DCANP1: variants seen among roughly 807,000 people sequenced by gnomAD.
DCANP1 encodes the protein dendritic cell nuclear protein 1.
For missense variants in DCANP1, 328 were observed against 293.7 expected (o/e 1.12, Z -0.85); for synonymous variants, 139 against 124.2 (o/e 1.12, Z -0.79).
Position 135,446,187 on chromosome 5 carries a change from G to T in DCANP1, c.*187C>A. On this transcript the variant is annotated 3_prime_UTR_variant, in exon 1 of 1. Transcript: ENST00000503143. Reference sequence around the variant, plus strand: ...CCCGTTTTCTACAAGAAGAAACTGTGGCACGGAGAGATTCAGTTACTTGTC... The same window carrying T: ...CCCGTTTTCTACAAGAAGAAACTGTTGCACGGAGAGATTCAGTTACTTGTC... The T allele has an allele frequency of 1.5e-6, 1 of 670,592 alleles. No homozygotes were observed. The highest frequency in any genetic ancestry group is 2.4e-6 in the Non-Finnish European group (1 of 412,634). 41.5% of individuals were successfully genotyped at this position (670,592 alleles called of 1,614,324 possible).
rs2150031944 is a variant in DCANP1, at chr5:135,446,316, TATG to T, written c.*55_*57del. 2.0e-6 allele frequency: 3 copies of T among 1,534,508 alleles called. No individual in the cohort carries two copies. In the Admixed American group the frequency reaches 5.9e-5, roughly 30 times the overall value. On this transcript the variant is annotated 3_prime_UTR_variant, in exon 1 of 1. Coordinates refer to ENST00000503143, the MANE Select transcript of DCANP1 (RefSeq NM_130848.3). Reference sequence around the variant, plus strand: ...CTGGGAGCAGCGTTCATGTGCACTGTATGTTCGTGTTTAGTGTATGTCTGTGCA... The same window carrying T: ...CTGGGAGCAGCGTTCATGTGCACTGTTTCGTGTTTAGTGTATGTCTGTGCA...
Position 135,446,218 on chromosome 5 carries a change from T to C in DCANP1, c.*156A>G. ...GAGAGATTCAGTTACTTGTCCAGGA[T>C]CACAGAACTATAGTAAGTGGGGGTG... On this transcript the variant is annotated 3_prime_UTR_variant, in exon 1 of 1. Coordinates refer to ENST00000503143, the MANE Select transcript of DCANP1 (RefSeq NM_130848.3). 1 of 893,420 alleles carries C rather than the reference T, an allele frequency of 1.1e-6. No individual in the cohort carries two copies. The highest frequency in any genetic ancestry group is 1.7e-6 in the Non-Finnish European group (1 of 592,168). The allele number at this position is 893,420 out of a possible 1,614,324, so 55.3% of individuals were successfully genotyped here. A position where few individuals can be genotyped will look rare whatever the true frequency, so the allele number is the denominator to read the frequency against.
In DCANP1 at chr5:135,446,798, G is replaced by T. The variant is rs373679643; in HGVS notation, c.311C>A (p.Ala104Glu). 2 of 1,613,884 alleles carry T rather than the reference G, an allele frequency of 1.2e-6. No individual in the cohort carries two copies. Among genetic ancestry groups the T allele is most frequent in the Admixed American group, 1.7e-5 (1 of 60,022 alleles). Reference sequence around the variant, plus strand: ...TTCATCCTGGGTCCCTGAGGGCCTCGCAGATGCTTCACTCGAAAGATTGGA... The same window carrying T: ...TTCATCCTGGGTCCCTGAGGGCCTCTCAGATGCTTCACTCGAAAGATTGGA... Reference protein sequence around the residue: ...CNSNLSSEASARPSGTQDELH... With the variant: ...CNSNLSSEASERPSGTQDELH... Residue 104 changes from alanine to glutamate, a missense_variant, in exon 1 of 1, where the codon GCG (alanine) becomes GAG (glutamate). Physicochemically the swap from Ala to Glu is moderately radical, Grantham distance 107 (BLOSUM62 -1). Coordinates refer to ENST00000503143, the MANE Select transcript of DCANP1 (RefSeq NM_130848.3).
At position 135,446,228 on chromosome 5, in the gene DCANP1, A is replaced by G; in HGVS notation, c.*146T>C. On this transcript the variant is annotated 3_prime_UTR_variant, in exon 1 of 1. Transcript: ENST00000503143. ...GTTACTTGTCCAGGATCACAGAACT[A>G]TAGTAAGTGGGGGTGGGGACAAGAA... 1.1e-6 allele frequency: 1 copy of G among 948,700 alleles called. No homozygotes were observed. 58.8% of individuals were successfully genotyped at this position (948,700 alleles called of 1,614,324 possible). A position where few individuals can be genotyped will look rare whatever the true frequency, so the allele number is the denominator to read the frequency against.
In DCANP1 at chr5:135,446,872, C is replaced by T. The variant is rs780304441; in HGVS notation, c.237G>A (p.Gly79=). 2 of 1,613,840 alleles carry T rather than the reference C, an allele frequency of 1.2e-6. No individual in the cohort carries two copies. Among genetic ancestry groups the T allele is most frequent in the Admixed American group, 3.3e-5 (2 of 60,018 alleles). ...ATTGAACTGCCCCCTCTCGCAGGAC[C>T]CCAGCTGGCAAGGTTTTGTTCCTCC... ...PPGRNKTLPA[G]VLREGAVQFL... is the part of the protein sequence containing the mutation. Residue 79 remains glycine, a synonymous_variant, in exon 1 of 1, where the codon GGG becomes GGA. Transcript: ENST00000503143.
Position 135,447,197 on chromosome 5 carries a change from C to G in DCANP1, c.-89G>C. 1 of 1,522,584 alleles carries G rather than the reference C, an allele frequency of 6.6e-7. No individual in the cohort carries two copies. The allele number at this position is 1,522,584 out of a possible 1,614,324, so 94.3% of individuals were successfully genotyped here. ...TGGCTTCTTCTCCTTGCCAGCCCTA[C>G]CAGGGCATCTCCCATTATACTAACC... is the stretch of plus-strand genomic sequence containing the variant. On this transcript the variant is annotated 5_prime_UTR_variant, in exon 1 of 1. Transcript: ENST00000503143.
chr5:135,446,519 T>C lies in DCANP1; in HGVS notation c.590A>G (p.Gln197Arg). ...CGAAGACCAGGCCCTGAAGCCAGCC[T>C]GACGGTTCCAGCTGTTAGGAGAAAG... is the stretch of plus-strand genomic sequence containing the variant. ...PSLSPNSWNR[Q>R]AGFRAWSSHL... Residue 197 changes from glutamine to arginine, a missense_variant, in exon 1 of 1, where the codon CAG (glutamine) becomes CGG (arginine). Transcript: ENST00000503143. 6.2e-7 allele frequency: 1 copy of C among 1,614,006 alleles called. No individual in the cohort carries two copies. Among genetic ancestry groups the C allele is most frequent in the Non-Finnish European group, 8.5e-7 (1 of 1,179,884 alleles).
rs145723930 is a variant in DCANP1 at position 135,444,248 on chromosome 5, C to A, written c.*2126G>T. 6.6e-6 allele frequency: 1 copy of A among 152,134 alleles called. No individual in the cohort carries two copies. The highest frequency in any genetic ancestry group is 2.1e-4 in the South Asian group (1 of 4,824). 9.4% of individuals were successfully genotyped at this position (152,134 alleles called of 1,614,324 possible). A position where few individuals can be genotyped will look rare whatever the true frequency, so the allele number is the denominator to read the frequency against. Reference sequence around the variant, plus strand: ...TGGTAGGTTTTATTTCACTTTAATCCGCCTGTGAGTTCACGTTAAAGGTAA... The same window carrying A: ...TGGTAGGTTTTATTTCACTTTAATCAGCCTGTGAGTTCACGTTAAAGGTAA... On this transcript the variant is annotated 3_prime_UTR_variant, in exon 1 of 1. Transcript: ENST00000503143.
Position 135,447,046 on chromosome 5 carries a change from A to G in DCANP1, c.63T>C (p.Pro21=), listed in dbSNP as rs1394302187. The change falls in exon 1 of 1, where the codon CCT becomes CCC. Residue 21 remains proline (P), a synonymous_variant. Transcript: ENST00000503143. Reference sequence around the variant, plus strand: ...CTCCTCTCTCCAGTCTTTGGTGTCCAGGTACAGTCTCCAGGCCGTGGCTTC... The same window carrying G: ...CTCCTCTCTCCAGTCTTTGGTGTCCGGGTACAGTCTCCAGGCCGTGGCTTC... The part of the protein sequence containing the change: ...NSRSHGLETV[P]GHQRLERGAG... The G allele has an allele frequency of 6.2e-7, 1 of 1,613,918 alleles. No homozygotes were observed. The highest frequency in any genetic ancestry group is 2.2e-5 in the East Asian group (1 of 44,894).
rs146257733 is a variant in DCANP1 at position 135,446,165 on chromosome 5, G to A, written c.*209C>T. The A allele has an allele frequency of 2.7e-4, 161 of 590,864 alleles. 1 individual carries two copies. The highest frequency in any genetic ancestry group is 1.4e-3 in the East Asian group (45 of 31,602). The allele number at this position is 590,864 out of a possible 1,614,324, so 36.6% of individuals were successfully genotyped here. ...GGAGGTAAGTACTGTGAACTTTCCC[G>A]TTTTCTACAAGAAGAAACTGTGGCA... On this transcript the variant is annotated 3_prime_UTR_variant, in exon 1 of 1. Coordinates refer to ENST00000503143, the MANE Select transcript of DCANP1 (RefSeq NM_130848.3).
In DCANP1 at chr5:135,445,399, A is replaced by G. The variant is rs1196589239; in HGVS notation, c.*975T>C. On this transcript the variant is annotated 3_prime_UTR_variant, in exon 1 of 1. Transcript: ENST00000503143. ...GCTGAGGCCTACAGGAGGCAGAGAC[A>G]TTCACCTCCACTTCCTGTCTGCCCA... 6.6e-6 allele frequency: 1 copy of G among 152,532 alleles called. No individual in the cohort carries two copies. The highest frequency in any genetic ancestry group is 2.4e-5 in the African/African-American group (1 of 41,432). 9.4% of individuals were successfully genotyped at this position (152,532 alleles called of 1,614,324 possible).
In DCANP1 at chr5:135,447,074, G is replaced by A. The variant is rs577312184; in HGVS notation, c.35C>T (p.Ser12Leu). 16 of 1,614,020 alleles carry A rather than the reference G, an allele frequency of 9.9e-6. No individual in the cohort carries two copies. The highest frequency in any genetic ancestry group is 2.7e-5 in the African/African-American group (2 of 75,060). ...TACAGTCTCCAGGCCGTGGCTTCTC[G>A]AGTTCTGTATGTGGGTTGCTGCTCC... ...HYGAATHIQN[S>L]RSHGLETVPG... Residue 12 changes from serine (S) to leucine (L), a missense_variant, in exon 1 of 1, where the codon TCG becomes TTG. Transcript: ENST00000503143.
chr5:135,446,932 A>AG, the DCANP1 span: 1 of 1,612,570 alleles, frequency 6.2e-7, no homozygotes, highest in Non-Finnish European at 8.5e-7. Flanking sequence ...GGCCCTGGAG[A>AG]GGGGCACTCA....
Position 135,446,185 on chromosome 5 carries a change from G to T in DCANP1, c.*189C>A. 1 of 659,292 alleles carries T rather than the reference G, an allele frequency of 1.5e-6. No individual in the cohort carries two copies. The highest frequency in any genetic ancestry group is 2.5e-6 in the Non-Finnish European group (1 of 405,664). The allele number at this position is 659,292 out of a possible 1,614,324, so 40.8% of individuals were successfully genotyped here. On this transcript the variant is annotated 3_prime_UTR_variant, in exon 1 of 1. Transcript: ENST00000503143. ...TTCCCGTTTTCTACAAGAAGAAACT[G>T]TGGCACGGAGAGATTCAGTTACTTG... is the stretch of plus-strand genomic sequence containing the variant.
chr5:135,447,049 T>A lies in DCANP1; in HGVS notation c.60A>T (p.Val20=), dbSNP rs747116129. 4 of 1,613,910 alleles carry A rather than the reference T, an allele frequency of 2.5e-6. No individual in the cohort carries two copies. The highest frequency in any genetic ancestry group is 3.4e-6 in the Non-Finnish European group (4 of 1,179,904). The change falls in exon 1 of 1, where the codon GTA becomes GTT. Residue 20 remains valine, a synonymous_variant. Coordinates refer to ENST00000503143, the MANE Select transcript of DCANP1 (RefSeq NM_130848.3). ...QNSRSHGLET[V]PGHQRLERGA... is the part of the protein sequence containing the mutation. ...CTCTCTCCAGTCTTTGGTGTCCAGG[T>A]ACAGTCTCCAGGCCGTGGCTTCTCG...
chr5:135,446,080 C>A lies in DCANP1; in HGVS notation c.*294G>T, dbSNP rs1769251493. On this transcript the variant is annotated 3_prime_UTR_variant, in exon 1 of 1. Coordinates refer to ENST00000503143, the MANE Select transcript of DCANP1 (RefSeq NM_130848.3). ...GACAGTGATAGCTAACCCTGTTGAC[C>A]CTTATGTCTGGGTGCCTTAAATTTG... is the stretch of plus-strand genomic sequence containing the variant. 1 of 292,598 alleles carries A rather than the reference C, an allele frequency of 3.4e-6. No individual in the cohort carries two copies. The highest frequency in any genetic ancestry group is 7.2e-5 in the East Asian group (1 of 13,812). The allele number at this position is 292,598 out of a possible 1,614,324, so 18.1% of individuals were successfully genotyped here.
chr5:135,446,695 G>T lies in DCANP1; in HGVS notation c.414C>A (p.Leu138=). 1 of 1,613,884 alleles carries T rather than the reference G, an allele frequency of 6.2e-7. No homozygotes were observed. Among genetic ancestry groups the T allele is most frequent in the Non-Finnish European group, 8.5e-7 (1 of 1,179,758 alleles). The change falls in exon 1 of 1, where the codon CTC becomes CTA. Residue 138 remains leucine, a synonymous_variant. Coordinates refer to ENST00000503143, the MANE Select transcript of DCANP1 (RefSeq NM_130848.3). ...AGACTGTGTGAACTGTGAACGGGTAGAGTCTGAAACTACAAACCAGATGTT... is the reference window on the plus strand; with the variant it reads ...AGACTGTGTGAACTGTGAACGGGTATAGTCTGAAACTACAAACCAGATGTT... ...ARKHLVCSFR[L]YPFTVHTVSP...
In DCANP1 at chr5:135,447,194, C is replaced by A. The variant is rs944456653; in HGVS notation, c.-86G>T. On this transcript the variant is annotated 5_prime_UTR_variant, in exon 1 of 1. The change creates a new upstream start codon in the 5' untranslated region. Transcript: ENST00000503143. ...ATGTGGCTTCTTCTCCTTGCCAGCC[C>A]TACCAGGGCATCTCCCATTATACTA... 3 of 1,547,126 alleles carry A rather than the reference C, an allele frequency of 1.9e-6. No homozygotes were observed. The highest frequency in any genetic ancestry group is 3.5e-5 in the Admixed American group (2 of 57,392).
In DCANP1 at chr5:135,446,482, T is replaced by C; in HGVS notation, c.627A>G (p.Ser209=). ...GFRAWSSHLI[S]LSLTCSDSQS... ...GGCTGTCTGAGCAGGTGAGGGATAG[T>C]GATATCAAGTGCGAAGACCAGGCCC... Residue 209 remains serine (S), a synonymous_variant, in exon 1 of 1, where the codon TCA becomes TCG. Transcript: ENST00000503143. 6.2e-7 allele frequency: 1 copy of C among 1,613,906 alleles called. No homozygotes were observed. Among genetic ancestry groups the C allele is most frequent in the Non-Finnish European group, 8.5e-7 (1 of 1,179,878 alleles).
Sources: allele counts gnomAD v4.1 joint callset, GRCh38; gene constraint gnomAD v4.1.1; transcripts MANE v1.5; gene names NCBI Gene and HGNC (gene_info 2026-07-23, HGNC 2026-07-21).